CELF4: variants seen among roughly 807,000 people sequenced by gnomAD.
CELF4 encodes the protein CUG-BP- and ETR-3-like factor 4.
A neutral mutation model predicts 59.9 loss-of-function variants in CELF4; 18 were observed. The ratio of observed to expected loss-of-function variants is 0.30; its 90% CI spans 0.21 to 0.45. The LOEUF (loss-of-function observed/expected upper bound fraction) is 0.45, where lower values mean the gene tolerates loss of function less well. CELF4 is among the 20% of genes least tolerant of loss of function. The pLI is 1.00. For missense variants in CELF4, 456 were observed against 689.0 expected, an observed-to-expected ratio of 0.66 and a Z score of 3.79; for synonymous variants, 261 against 267.1, an observed-to-expected ratio of 0.98 and a Z score of 0.22.
At position 37,315,592 on chromosome 18, in the gene CELF4, C is replaced by T. The variant is rs2096839389; in HGVS notation, c.448+6211G>A. On this transcript the variant is annotated intron_variant, in intron 3 of 12. Transcript: ENST00000420428. ...CCTTGTCTGCTCTGTGTCTGGAGGA[C>T]CCCAGGGTGCTGTCACACAGTTTTC... is the stretch of plus-strand genomic sequence containing the variant. Among the ~76,000 whole-genome samples the T allele has an allele frequency of 2.0e-5, 3 of 152,166 alleles. No homozygotes were observed. In the South Asian group the frequency reaches 6.2e-4, roughly 31 times the overall value.
chr18:37,331,880 CT>C (rs1366053106), intron 2 of CELF4, among the ~76,000 whole-genome samples: 1 of 152,048 alleles, frequency 6.6e-6, no homozygotes, highest in Non-Finnish European at 1.5e-5. Context: ...TGGGGAGGAT[CT>C]GGTGTGGCCG....
intron 2 of CELF4, among the ~76,000 whole-genome samples, chr18:37,324,073 C>T (rs1308238902): frequency 6.6e-6 from 1 of 152,134 alleles, no homozygotes; most frequent in Non-Finnish European, 1.5e-5. Context: ...GCCCCACCAC[C>T]TCTTGTACCA....
chr18:37,407,629 A>G (rs1196745153), intron 2 of CELF4, among the ~76,000 whole-genome samples: 1 of 151,966 alleles, frequency 6.6e-6, no homozygotes, highest in East Asian at 1.9e-4. Context: ...ACACACATAC[A>G]TACAAACGCA....
chr18:37,502,856 T>C (rs529374164), intron 1 of CELF4, among the ~76,000 whole-genome samples: 1 of 152,302 alleles, frequency 6.6e-6, no homozygotes, highest in East Asian at 1.9e-4. Flanking sequence ...TAGCGCTGAT[T>C]CCCTCCATTC....
chr18:37,452,376 C>T (rs1015027764), intron 2 of CELF4, among the ~76,000 whole-genome samples: 40 of 152,074 alleles, frequency 2.6e-4, no homozygotes, highest in African/African-American at 9.2e-4. Context: ...AGCCAGGCAA[C>T]TCAGCTCTTG....
intron 2 of CELF4, among the ~76,000 whole-genome samples, chr18:37,462,591 T>C (rs1264877103): frequency 1.3e-5 from 2 of 152,152 alleles, no homozygotes; most frequent in African/African-American, 4.8e-5. Flanking sequence ...GGTGCTGACA[T>C]CTACTCTTCT....
chr18:37,315,069 C>G (rs2096820874), intron 3 of CELF4, among the ~76,000 whole-genome samples: 1 of 152,044 alleles, frequency 6.6e-6, no homozygotes, highest in African/African-American at 2.4e-5. Context: ...GTTCTGGGTT[C>G]CTGGAGAGGG....
intron 2 of CELF4, among the ~76,000 whole-genome samples, chr18:37,479,895 A>G (rs990574283): frequency 2.0e-5 from 3 of 152,228 alleles, no homozygotes; most frequent in African/African-American, 7.2e-5. Flanking sequence ...CATAAAAAGG[A>G]GAAGTCTGGA....
intron 2 of CELF4, among the ~76,000 whole-genome samples, chr18:37,360,628 T>C (rs886747727): frequency 8.5e-5 from 13 of 152,198 alleles, no homozygotes; most frequent in African/African-American, 2.9e-4. Context: ...TCAGAGCCTG[T>C]CTGGAGGCAG....
chr18:37,405,351 T>C (rs1368574120), intron 2 of CELF4, among the ~76,000 whole-genome samples: 1 of 152,186 alleles, frequency 6.6e-6, no homozygotes, highest in Admixed American at 6.5e-5. Context: ...CTCTGCTAGT[T>C]CAGATCTCTG....
In CELF4 at chr18:37,244,580, TTTG is replaced by T. The variant is rs2061404001; in HGVS notation, c.*659_*661del. On this transcript the variant is annotated 3_prime_UTR_variant, in exon 13 of 13. Transcript: ENST00000420428. ...CCTTTTTTTGTTGTTTTTTTTGTTT[TTTG>T]TTTTTTTTTTAATTTTTTATTACAT... is the stretch of plus-strand genomic sequence containing the variant. 6.6e-6 allele frequency: 1 copy of T among 152,470 alleles called. No homozygotes were observed. Among genetic ancestry groups the T allele is most frequent in the East Asian group, 1.9e-4 (1 of 5,186 alleles). 9.4% of individuals were successfully genotyped at this position (152,470 alleles called of 1,614,324 possible).
chr18:37,317,839 C>T (rs777673481), intron 3 of CELF4, among the ~76,000 whole-genome samples: 7 of 152,316 alleles, frequency 4.6e-5, no homozygotes, highest in Admixed American at 6.5e-5. Flanking sequence ...GCCAACTCTC[C>T]GCCATGCCCA....
chr18:37,255,632 C>T (rs1175250156), intron 11 of CELF4, among the ~76,000 whole-genome samples: 2 of 151,824 alleles, frequency 1.3e-5, no homozygotes, highest in African/African-American at 2.4e-5. Context: ...AGTCAAGTTA[C>T]GTCAAGTAAA....
At chr18:37,346,395 T>A (rs1022852282) in intron 2 of CELF4, among the ~76,000 whole-genome samples, 3 of 151,658 alleles carry the variant, frequency 2.0e-5, no homozygotes, top group South Asian at 2.1e-4. Flanking sequence ...GAATGCAGAG[T>A]GTGACAGAGG....
At chr18:37,512,615 CTCCTCCTCCTCTTTGTCCTCTTCT>C (rs1051033670) in intron 1 of CELF4, among the ~76,000 whole-genome samples, 1 of 151,380 alleles carries the variant, frequency 6.6e-6, no homozygotes, top group Non-Finnish European at 1.5e-5. Flanking sequence ...TCTCCTCCTT[CTCCTCCTCCTCTTTGTCCTCTTCT>C]TCCTCCTCCT....
intron 1 of CELF4, among the ~76,000 whole-genome samples, chr18:37,524,856 G>C (rs2099961902): frequency 6.6e-6 from 1 of 152,148 alleles, no homozygotes. Flanking sequence ...CCCAGCAGGA[G>C]AATGGGGCGC....
intron 1 of CELF4, among the ~76,000 whole-genome samples, chr18:37,517,503 A>T (rs903411225): frequency 6.6e-6 from 1 of 151,700 alleles, no homozygotes; most frequent in Non-Finnish European, 1.5e-5. Flanking sequence ...TCCCTCTGTC[A>T]CTCTCCTCTT....
At chr18:37,486,305 A>C (rs776653095) in intron 1 of CELF4, among the ~76,000 whole-genome samples, 15 of 152,040 alleles carry the variant, frequency 9.9e-5, no homozygotes, top group Admixed American at 4.6e-4. Flanking sequence ...ACCTTAACAA[A>C]TCACATCCTC....
At chr18:37,400,138 A>G (rs2099308589) in intron 2 of CELF4, among the ~76,000 whole-genome samples, 1 of 152,340 alleles carries the variant, frequency 6.6e-6, no homozygotes, top group East Asian at 1.9e-4. Flanking sequence ...ATCAGTTGAA[A>G]GGCCTTAAAA....
Sources: allele counts gnomAD v4.1 joint callset (sites outside exome capture counted in the v4.1 genomes callset), GRCh38; gene constraint gnomAD v4.1.1; transcripts MANE v1.5; gene names NCBI Gene and HGNC (gene_info 2026-07-23, HGNC 2026-07-21).